Variants in CADM2 observed in about 807,000 individuals in gnomAD.
CADM2 encodes immunoglobulin superfamily member 4D.
A neutral mutation model predicts 49.8 loss-of-function variants in CADM2; 12 were observed. That is an observed-to-expected ratio of 0.24 (90% CI 0.15 to 0.39). The LOEUF (loss-of-function observed/expected upper bound fraction) is 0.39. Ranked by LOEUF, CADM2 falls within the 10% of genes least tolerant of loss-of-function variation. The pLI, the probability that CADM2 is intolerant of heterozygous loss-of-function variation, is 1.00. For missense variants in CADM2, 378 were observed against 492.3 expected, an observed-to-expected ratio of 0.77 and a Z score of 2.20; for synonymous variants, 214 against 175.4, an observed-to-expected ratio of 1.22 and a Z score of -1.74.
intron 1 of CADM2, among the ~76,000 whole-genome samples, chr3:85,375,679 G>T (rs1419154581): frequency 1.3e-5 from 2 of 152,028 alleles, no homozygotes; most frequent in Non-Finnish European, 1.5e-5. Flanking sequence ...TGAATCAGAG[G>T]CCAGTTCAAC....
chr3:85,141,373 G>A (rs1484665030), intron 1 of CADM2, among the ~76,000 whole-genome samples: 1 of 152,134 alleles, frequency 6.6e-6, no homozygotes, highest in Non-Finnish European at 1.5e-5. Context: ...CTTAACACAT[G>A]TAAAGTGCTT....
At chr3:85,220,264 C>T (rs1225755393) in intron 1 of CADM2, among the ~76,000 whole-genome samples, 1 of 151,940 alleles carries the variant, frequency 6.6e-6, no homozygotes, top group East Asian at 1.9e-4. Flanking sequence ...TGAGAAAGTG[C>T]CAATTAATTC....
intron 1 of CADM2, among the ~76,000 whole-genome samples, chr3:85,014,644 G>T (rs2034165614): frequency 6.6e-6 from 1 of 152,112 alleles, no homozygotes; most frequent in South Asian, 2.1e-4. Context: ...TTTGTTAGTG[G>T]TTTTGGCTCA....
At chr3:85,946,750 A>C (rs1201124151) in intron 7 of CADM2, among the ~76,000 whole-genome samples, 3 of 152,142 alleles carry the variant, frequency 2.0e-5, no homozygotes, top group African/African-American at 7.2e-5. Flanking sequence ...CATATGTAGA[A>C]AGCTGAAATT....
At chr3:85,451,247 T>C (rs939865425) in intron 1 of CADM2, among the ~76,000 whole-genome samples, 1 of 152,116 alleles carries the variant, frequency 6.6e-6, no homozygotes, top group African/African-American at 2.4e-5. Context: ...TCAGAAAGAA[T>C]GGGAATGAAT....
At chr3:85,523,323 TC>T (rs938782131) in intron 1 of CADM2, among the ~76,000 whole-genome samples, 1 of 152,118 alleles carries the variant, frequency 6.6e-6, no homozygotes, top group Non-Finnish European at 1.5e-5. Flanking sequence ...TAGTTTGGAT[TC>T]CCAGAGTCAT....
intron 8 of CADM2, among the ~76,000 whole-genome samples, chr3:85,963,696 T>A (rs949561554): frequency 4.0e-5 from 6 of 151,860 alleles, no homozygotes; most frequent in African/African-American, 7.2e-5. Context: ...AAGTAGCTCA[T>A]CAGGAAAATT....
intron 2 of CADM2, among the ~76,000 whole-genome samples, chr3:85,744,970 T>G (rs190974973): frequency 1.3e-5 from 2 of 152,186 alleles, no homozygotes; most frequent in African/African-American, 4.8e-5. Context: ...CAAGATGTTA[T>G]TGTAATACTA....
intron 1 of CADM2, among the ~76,000 whole-genome samples, chr3:85,413,712 C>G (rs1451095649): frequency 7.9e-5 from 12 of 152,120 alleles, no homozygotes; most frequent in Admixed American, 7.9e-4. Context: ...TCCACCCTCA[C>G]GATCCAATCA....
At chr3:85,539,699 A>G (rs761026317) in intron 1 of CADM2, among the ~76,000 whole-genome samples, 4 of 152,074 alleles carry the variant, frequency 2.6e-5, no homozygotes, top group Non-Finnish European at 4.4e-5. Flanking sequence ...TGGGGTAGAA[A>G]TGCAATGGAT....
At chr3:85,248,678 T>A (rs1448945717) in intron 1 of CADM2, among the ~76,000 whole-genome samples, 5 of 152,188 alleles carry the variant, frequency 3.3e-5, no homozygotes, top group Non-Finnish European at 5.9e-5. Flanking sequence ...GTTTGTATAC[T>A]CACAAACATA....
intron 1 of CADM2, among the ~76,000 whole-genome samples, chr3:85,519,891 G>A (rs1177119201): frequency 1.3e-5 from 2 of 151,886 alleles, no homozygotes; most frequent in East Asian, 1.9e-4. Context: ...TATACCCACC[G>A]AATTTGTAAG....
intron 1 of CADM2, among the ~76,000 whole-genome samples, chr3:85,545,943 A>G (rs557158251): frequency 7.9e-5 from 12 of 152,310 alleles, no homozygotes; most frequent in African/African-American, 2.6e-4. Context: ...ATTTCCATCA[A>G]ATGAATTTCT....
chr3:85,799,255 C>G lies in CADM2; in HGVS notation c.89-2792C>G, dbSNP rs562037002. 5.3e-5 allele frequency among the ~76,000 whole-genome samples: 8 copies of G among 152,204 alleles called. No homozygotes were observed. In the South Asian group the frequency reaches 1.2e-3, roughly 24 times the overall value. On this transcript the variant is annotated intron_variant, in intron 2 of 9. Transcript: ENST00000383699. ...ACTTCCTCTCTTCCTATTTGAATAC[C>G]CTTTATTTCTTTCTCTCGCCTGATT...
chr3:85,809,242 C>G (rs573791028), intron 3 of CADM2, among the ~76,000 whole-genome samples: 1 of 152,230 alleles, frequency 6.6e-6, no homozygotes, highest in East Asian at 1.9e-4. Flanking sequence ...TGTAAAGACA[C>G]TGAGGTTTAC....
At chr3:85,847,063 A>T (rs72908602) in intron 3 of CADM2, among the ~76,000 whole-genome samples, 1 of 152,118 alleles carries the variant, frequency 6.6e-6, no homozygotes, top group Non-Finnish European at 1.5e-5. Context: ...CCATACCAGC[A>T]CCATGGGCTT....
chr3:85,072,867 T>C (rs932452272), intron 1 of CADM2, among the ~76,000 whole-genome samples: 3 of 152,116 alleles, frequency 2.0e-5, no homozygotes, highest in African/African-American at 7.2e-5. Context: ...TCCCTGTGAT[T>C]ATTTGGGATT....
intron 3 of CADM2, among the ~76,000 whole-genome samples, chr3:85,806,531 A>C (rs2072431245): frequency 1.3e-5 from 2 of 152,162 alleles, no homozygotes. Context: ...GTGAGTGGTC[A>C]GTTGAATCAA....
At chr3:85,476,244 T>C (rs1005208696) in intron 1 of CADM2, among the ~76,000 whole-genome samples, 3 of 151,936 alleles carry the variant, frequency 2.0e-5, no homozygotes, top group African/African-American at 7.2e-5. Flanking sequence ...AAAGAGATCT[T>C]CTTCATACAT....
Sources: allele counts gnomAD v4.1 joint callset (sites outside exome capture counted in the v4.1 genomes callset), GRCh38; gene constraint gnomAD v4.1.1; transcripts MANE v1.5; gene names NCBI Gene and HGNC (gene_info 2026-07-23, HGNC 2026-07-21).